FAM110B: variants seen among roughly 807,000 people sequenced by gnomAD.
The protein encoded by FAM110B is protein FAM110B.
In FAM110B, 6 loss-of-function variants were observed where a neutral mutation model predicts 20.4. The observed-to-expected ratio is 0.29, with a 90% confidence interval of 0.16 to 0.58. FAM110B has a LOEUF of 0.58. FAM110B is among the 20% of genes least tolerant of loss of function. The pLI is 0.90. For synonymous variants in FAM110B, 226 were observed against 214.1 expected (o/e 1.06, Z -0.49); for missense variants, 434 against 498.2 (o/e 0.87, Z 1.23).
chr8:58,041,601 G>C (rs1805222254), intron 2 of FAM110B, among the ~76,000 whole-genome samples: 1 of 152,162 alleles, frequency 6.6e-6, no homozygotes, highest in East Asian at 1.9e-4. Flanking sequence ...TAACACATGG[G>C]GAGTCTTGTT....
chr8:58,019,361 GGAAA>G (rs142262404), intron 1 of FAM110B, among the ~76,000 whole-genome samples: 21,847 of 115,138 alleles, frequency 0.19, 2,414 homozygotes, highest in African/African-American at 0.34. Context: ...AAAAAAAAAA[GGAAA>G]GAAAGAAAGA....
At chr8:58,074,722 G>C (rs1347976566) in intron 2 of FAM110B, among the ~76,000 whole-genome samples, 3 of 152,098 alleles carry the variant, frequency 2.0e-5, no homozygotes, top group Non-Finnish European at 4.4e-5. Context: ...GCAGATGAAC[G>C]GTGCTCCTGG....
intron 2 of FAM110B, among the ~76,000 whole-genome samples, chr8:58,038,606 G>A (rs568939404): frequency 2.1e-3 from 317 of 152,218 alleles, no homozygotes; most frequent in African/African-American, 6.9e-3. Flanking sequence ...GCAAAAGTTA[G>A]CCAGGTGTAG....
chr8:58,086,454 T>C (rs1052437917), intron 3 of FAM110B, among the ~76,000 whole-genome samples: 13 of 152,340 alleles, frequency 8.5e-5, no homozygotes, highest in African/African-American at 3.1e-4. Flanking sequence ...AACTCCACTA[T>C]GTTTAAAACC....
At chr8:58,024,333 G>C (rs769406347) in intron 1 of FAM110B, among the ~76,000 whole-genome samples, 4 of 152,064 alleles carry the variant, frequency 2.6e-5, no homozygotes, top group Non-Finnish European at 5.9e-5. Context: ...TTACTAGTTT[G>C]AACCTCAGAG....
intron 2 of FAM110B, among the ~76,000 whole-genome samples, chr8:58,048,217 T>C (rs527349273): frequency 1.4e-4 from 21 of 152,346 alleles, no homozygotes; most frequent in African/African-American, 4.8e-4. Context: ...AAATTATCTG[T>C]TCATATTTTG....
chr8:58,019,374 GAAA>G (rs1563498730), intron 1 of FAM110B, among the ~76,000 whole-genome samples: 1 of 123,182 alleles, frequency 8.1e-6, no homozygotes, highest in African/African-American at 3.1e-5. Context: ...AAGAAAGAAA[GAAA>G]GAAAAGAAAA....
chr8:58,022,230 A>G (rs1453920864), intron 1 of FAM110B, among the ~76,000 whole-genome samples: 1 of 152,214 alleles, frequency 6.6e-6, no homozygotes, highest in Non-Finnish European at 1.5e-5. Flanking sequence ...GAAGTCCTAC[A>G]CCATGGACGA....
intron 3 of FAM110B, among the ~76,000 whole-genome samples, chr8:58,133,321 G>T (rs1017937989): frequency 6.6e-6 from 1 of 151,926 alleles, no homozygotes; most frequent in South Asian, 2.1e-4. Flanking sequence ...TTATCTTGGG[G>T]CAAAGGCACA....
At chr8:58,080,402 G>A (rs1290747043) in intron 3 of FAM110B, among the ~76,000 whole-genome samples, 1 of 152,232 alleles carries the variant, frequency 6.6e-6, no homozygotes. Flanking sequence ...AAGAGGGAAA[G>A]AGACTGTTAG....
At chr8:58,060,512 AG>A (rs1223341652) in intron 2 of FAM110B, among the ~76,000 whole-genome samples, 1 of 152,198 alleles carries the variant, frequency 6.6e-6, no homozygotes, top group Admixed American at 6.5e-5. Flanking sequence ...AAGACCAGTG[AG>A]ACTGACCAAT....
At chr8:58,027,629 A>G (rs1804879053) in intron 1 of FAM110B, among the ~76,000 whole-genome samples, 1 of 152,136 alleles carries the variant, frequency 6.6e-6, no homozygotes, top group African/African-American at 2.4e-5. Flanking sequence ...GACTGTGCCA[A>G]TCATTGATGT....
chr8:58,049,517 T>G (rs1416780895), intron 2 of FAM110B, among the ~76,000 whole-genome samples: 2 of 152,074 alleles, frequency 1.3e-5, no homozygotes, highest in African/African-American at 4.8e-5. Context: ...GATGTATGGA[T>G]GGATGGATGC....
chr8:58,122,706 T>G (rs1367589866), intron 3 of FAM110B, among the ~76,000 whole-genome samples: 1 of 152,218 alleles, frequency 6.6e-6, no homozygotes, highest in East Asian at 1.9e-4. Flanking sequence ...CCTAGGCCTT[T>G]TGAAGTTCTC....
chr8:58,041,267 G>T (rs2150576768), intron 2 of FAM110B, among the ~76,000 whole-genome samples: 1 of 152,230 alleles, frequency 6.6e-6, no homozygotes, highest in Non-Finnish European at 1.5e-5. Flanking sequence ...AATCGTCTGT[G>T]CACACCTCAC....
At chr8:58,081,649 C>G (rs921261798) in intron 3 of FAM110B, among the ~76,000 whole-genome samples, 2 of 152,160 alleles carry the variant, frequency 1.3e-5, no homozygotes. Flanking sequence ...GTCTGTTATT[C>G]TGCTCATGTT....
intron 1 of FAM110B, among the ~76,000 whole-genome samples, chr8:57,997,234 A>G (rs1438292991): frequency 2.6e-5 from 4 of 152,190 alleles, no homozygotes; most frequent in Non-Finnish European, 5.9e-5. Context: ...TAGCAATCCC[A>G]TTGTTTGCTG....
intron 3 of FAM110B, 40 bp downstream of exon 3, chr8:58,075,663 G>C (rs546042087): frequency 1.3e-5 from 2 of 152,212 alleles, no homozygotes; most frequent in African/African-American, 2.4e-5. Flanking sequence ...CTGAGAAGGA[G>C]ATATTGATTC....
At chr8:58,131,533 C>A (rs72662413) in intron 3 of FAM110B, among the ~76,000 whole-genome samples, 3,284 of 152,238 alleles carry the variant, frequency 0.022, 53 homozygotes, top group East Asian at 0.034. Context: ...CCTATATCAC[C>A]GTCTCCTGTT....
Sources: gnomAD v4.1 joint callset for allele counts (sites outside exome capture counted in the v4.1 genomes callset) on GRCh38, gnomAD v4.1.1 for gene constraint, MANE v1.5 for transcripts, NCBI Gene and HGNC (gene_info 2026-07-23, HGNC 2026-07-21) for gene names.